The following UNC5D variants were observed in gnomAD, a reference collection of about 807,000 sequenced individuals.
The protein encoded by UNC5D is unc-5 netrin receptor D.
A neutral mutation model predicts 105.4 loss-of-function variants in UNC5D; 39 were observed. The observed-to-expected ratio is 0.37, with a 90% CI of 0.29 to 0.48. UNC5D has a LOEUF of 0.48. Ranked by LOEUF, UNC5D falls within the 20% of genes least tolerant of loss-of-function variation. The pLI is 0.98. For missense variants in UNC5D, 991 were observed against 1,202.4 expected, an observed-to-expected ratio of 0.82 and a Z score of 2.60; for synonymous variants, 452 against 450.4, an observed-to-expected ratio of 1.00 and a Z score of -0.04.
intron 3 of UNC5D, among the ~76,000 whole-genome samples, chr8:35,593,537 G>A (rs1334383235): frequency 6.6e-6 from 1 of 152,146 alleles, no homozygotes; most frequent in African/African-American, 2.4e-5. Flanking sequence ...AGGATCGGAG[G>A]AGGAGTTGGA....
chr8:35,418,901 G>A (rs1252587723), intron 1 of UNC5D, among the ~76,000 whole-genome samples: 1 of 152,192 alleles, frequency 6.6e-6, no homozygotes, highest in Admixed American at 6.5e-5. Context: ...GGTAGACGTG[G>A]ATATTTTAAT....
intron 1 of UNC5D, among the ~76,000 whole-genome samples, chr8:35,474,515 T>C (rs1329675556): frequency 2.0e-5 from 3 of 152,186 alleles, no homozygotes; most frequent in Admixed American, 6.5e-5. Context: ...TAAGTTATAA[T>C]TGCTATCGTA....
chr8:35,736,178 T>C (rs1829459116), intron 11 of UNC5D, among the ~76,000 whole-genome samples: 1 of 152,024 alleles, frequency 6.6e-6, no homozygotes, highest in Admixed American at 6.6e-5. Flanking sequence ...GGGCAACAAT[T>C]GAGACCTTGT....
intron 4 of UNC5D, among the ~76,000 whole-genome samples, chr8:35,622,115 G>A (rs1330382607): frequency 2.6e-5 from 4 of 152,090 alleles, no homozygotes; most frequent in African/African-American, 7.2e-5. Flanking sequence ...AGGCCAAGGC[G>A]GGTAGATCAT....
intron 1 of UNC5D, among the ~76,000 whole-genome samples, chr8:35,387,134 G>A (rs1189572717): frequency 6.6e-6 from 1 of 151,934 alleles, no homozygotes; most frequent in East Asian, 1.9e-4. Flanking sequence ...GCCGAGGGGG[G>A]CAGATCACGA....
intron 5 of UNC5D, among the ~76,000 whole-genome samples, chr8:35,684,179 G>T (rs1336200692): frequency 6.6e-6 from 1 of 152,108 alleles, no homozygotes; most frequent in East Asian, 1.9e-4. Flanking sequence ...TTGTATAAAA[G>T]AAGTTCCCAG....
In UNC5D at chr8:35,793,354, G is replaced by A. The variant is rs1468516091; in HGVS notation, c.*2791G>A. 3.8e-6 allele frequency: 1 copy of A among 263,660 alleles called. No individual in the cohort carries two copies. The highest frequency in any genetic ancestry group is 2.3e-5 in the African/African-American group (1 of 43,810). 16.3% of individuals were successfully genotyped at this position (263,660 alleles called of 1,614,324 possible). ...ACTGTGACCTAAATTTAGTCCTATT[G>A]TAATATGTGCCTGTCACAACACAAA... On this transcript the variant is annotated 3_prime_UTR_variant, in exon 17 of 17. Coordinates refer to ENST00000404895, the MANE Select transcript of UNC5D (RefSeq NM_080872.4).
intron 1 of UNC5D, among the ~76,000 whole-genome samples, chr8:35,326,563 T>C (rs1056618934): frequency 6.6e-6 from 1 of 152,104 alleles, no homozygotes; most frequent in Non-Finnish European, 1.5e-5. Flanking sequence ...GAGACTAGCC[T>C]GGGCAGCATA....
intron 4 of UNC5D, among the ~76,000 whole-genome samples, chr8:35,639,838 G>A (rs1822601432): frequency 6.6e-6 from 1 of 151,766 alleles, no homozygotes; most frequent in African/African-American, 2.4e-5. Flanking sequence ...TCTGCCTCTT[G>A]AGCTCAAGCA....
chr8:35,282,436 T>A (rs1035173665), intron 1 of UNC5D, among the ~76,000 whole-genome samples: 1 of 152,196 alleles, frequency 6.6e-6, no homozygotes, highest in Admixed American at 6.5e-5. Context: ...TGTAATTACT[T>A]CTATAATTGG....
At chr8:35,340,341 C>G (rs1333498049) in intron 1 of UNC5D, among the ~76,000 whole-genome samples, 1 of 152,188 alleles carries the variant, frequency 6.6e-6, no homozygotes, top group African/African-American at 2.4e-5. Context: ...GGGAGGAACA[C>G]TGTAAGCTGT....
At chr8:35,577,118 C>T (rs1818148624) in intron 3 of UNC5D, among the ~76,000 whole-genome samples, 1 of 152,086 alleles carries the variant, frequency 6.6e-6, no homozygotes, top group African/African-American at 2.4e-5. Context: ...GATTAAGGTG[C>T]AGATATGATA....
chr8:35,644,618 T>A (rs1294897589), intron 4 of UNC5D, among the ~76,000 whole-genome samples: 1 of 152,184 alleles, frequency 6.6e-6, no homozygotes, highest in Non-Finnish European at 1.5e-5. Flanking sequence ...GAGGGAACAC[T>A]CAGAGTGCTC....
chr8:35,738,715 T>G (rs1052676741), intron 11 of UNC5D, among the ~76,000 whole-genome samples: 2 of 152,222 alleles, frequency 1.3e-5, no homozygotes, highest in African/African-American at 4.8e-5. Context: ...GTATGTGGGC[T>G]GGTGCCAAGA....
chr8:35,452,357 C>A (rs2128991913), intron 1 of UNC5D, among the ~76,000 whole-genome samples: 1 of 152,238 alleles, frequency 6.6e-6, no homozygotes, highest in East Asian at 1.9e-4. Context: ...CTCCACCTCC[C>A]AGGTTCAAGC....
chr8:35,257,784 C>G (rs1026083800), intron 1 of UNC5D, among the ~76,000 whole-genome samples: 2 of 152,116 alleles, frequency 1.3e-5, no homozygotes, highest in Non-Finnish European at 2.9e-5. Context: ...ATGCACCTTG[C>G]TAGCCAGATT....
At chr8:35,536,973 G>T (rs982786786) in intron 1 of UNC5D, among the ~76,000 whole-genome samples, 5 of 151,840 alleles carry the variant, frequency 3.3e-5, no homozygotes, top group African/African-American at 1.2e-4. Context: ...TCCAGTCTGG[G>T]TGACAGAGCG....
chr8:35,299,237 C>G (rs954446969), intron 1 of UNC5D, among the ~76,000 whole-genome samples: 2 of 152,148 alleles, frequency 1.3e-5, no homozygotes, highest in African/African-American at 4.8e-5. Flanking sequence ...GAATTGCAAG[C>G]AAAGCAAAGA....
At chr8:35,373,369 G>C (rs921633898) in intron 1 of UNC5D, among the ~76,000 whole-genome samples, 1 of 152,176 alleles carries the variant, frequency 6.6e-6, no homozygotes, top group Non-Finnish European at 1.5e-5. Context: ...CTACTCTACA[G>C]TACAATAGGC....
Sources: gnomAD v4.1 joint callset for allele counts (sites outside exome capture counted in the v4.1 genomes callset) on GRCh38, gnomAD v4.1.1 for gene constraint, MANE v1.5 for transcripts, NCBI Gene and HGNC (gene_info 2026-07-23, HGNC 2026-07-21) for gene names.